Variants in NUP93 observed in about 807,000 individuals in gnomAD.
The protein encoded by NUP93 is nuclear pore complex protein Nup93.
Under a neutral mutation model 107.8 loss-of-function variants are expected in NUP93, and 55 were observed. That is an observed-to-expected ratio of 0.51 (90% CI 0.41 to 0.64). NUP93 has a LOEUF of 0.64. NUP93 is among the 30% of genes least tolerant of loss of function. NUP93 has a pLI of 0.00. For synonymous variants in NUP93, 390 were observed against 397.5 expected (o/e 0.98, Z 0.22); for missense variants, 937 against 1,044.7 (o/e 0.90, Z 1.42).
At chr16:56,837,824 C>T in intron 18 of NUP93, 98 bp downstream of exon 18, 1 of 811,686 alleles carries the variant, frequency 1.2e-6, no homozygotes. Flanking sequence ...TACTAGGTAA[C>T]AGCAGACAGC....
At chr16:56,754,634 G>A (rs1961984724) in intron 2 of NUP93, among the ~76,000 whole-genome samples, 1 of 152,238 alleles carries the variant, frequency 6.6e-6, no homozygotes, top group Non-Finnish European at 1.5e-5. Flanking sequence ...CTGCTTTCAT[G>A]GGCTAGTGTT....
rs2144657300 is a variant in NUP93 at position 56,844,966 on chromosome 16, T to C, written c.*357T>C. The stretch of plus-strand genomic sequence containing the variant: ...AGCCAGGAAACAAAGCCTTTGGGAG[T>C]TACTTTTATTTAGATATAATATTCC... On this transcript the variant is annotated 3_prime_UTR_variant, in exon 22 of 22. Coordinates refer to ENST00000308159, the MANE Select transcript of NUP93 (RefSeq NM_014669.5). 3.1e-6 allele frequency: 1 copy of C among 327,022 alleles called. No homozygotes were observed. The highest frequency in any genetic ancestry group is 1.5e-4 in the South Asian group (1 of 6,474). The allele number at this position is 327,022 out of a possible 1,614,324, so 20.3% of individuals were successfully genotyped here.
chr16:56,822,723 G>A (rs1963574221), intron 7 of NUP93, among the ~76,000 whole-genome samples: 1 of 151,796 alleles, frequency 6.6e-6, no homozygotes, highest in Non-Finnish European at 1.5e-5. Flanking sequence ...ACCATGCCTG[G>A]TTAATTTTTT....
At chr16:56,738,650 G>C (rs563323342) in intron 1 of NUP93, among the ~76,000 whole-genome samples, 1 of 152,120 alleles carries the variant, frequency 6.6e-6, no homozygotes, top group African/African-American at 2.4e-5. Context: ...AAACAATGAT[G>C]TCTGTCAAGA....
At chr16:56,762,588 AT>A (rs1246984651) in intron 3 of NUP93, among the ~76,000 whole-genome samples, 1 of 152,204 alleles carries the variant, frequency 6.6e-6, no homozygotes, top group African/African-American at 2.4e-5. Context: ...AATTAAAAAT[AT>A]TTTTAATGGC....
intron 2 of NUP93, among the ~76,000 whole-genome samples, chr16:56,752,012 A>C (rs931448896): frequency 6.6e-6 from 1 of 152,238 alleles, no homozygotes; most frequent in African/African-American, 2.4e-5. Flanking sequence ...TGCATAAGCC[A>C]CACACTGAAC....
At chr16:56,740,134 C>CCA (rs1382434914) in intron 1 of NUP93, among the ~76,000 whole-genome samples, 41 of 130,656 alleles carry the variant, frequency 3.1e-4, no homozygotes, top group African/African-American at 1.2e-3. Flanking sequence ...CTGACCCCCC[C>CCA]ACCTCCCTCC....
chr16:56,844,467 G>A (rs779819356), intron 21 of NUP93, 32 bp from the exon 22 acceptor site: 7 of 1,318,400 alleles, frequency 5.3e-6, no homozygotes, highest in African/African-American at 1.5e-5. Flanking sequence ...AAAGTTAACC[G>A]ATTTCCTTCC....
chr16:56,822,136 G>C (rs1963557710), intron 7 of NUP93, among the ~76,000 whole-genome samples: 1 of 150,004 alleles, frequency 6.7e-6, no homozygotes, highest in African/African-American at 2.5e-5. Context: ...ATGACTACTT[G>C]GTGGGTGGCT....
intron 5 of NUP93, among the ~76,000 whole-genome samples, chr16:56,812,568 C>T (rs1189402261): frequency 6.6e-6 from 1 of 152,098 alleles, no homozygotes; most frequent in Non-Finnish European, 1.5e-5. Context: ...TGGTCTGGAT[C>T]TCCTGACCTT....
At chr16:56,761,718 G>A (rs765975252) in intron 3 of NUP93, among the ~76,000 whole-genome samples, 1 of 152,062 alleles carries the variant, frequency 6.6e-6, no homozygotes, top group Admixed American at 6.6e-5. Context: ...ACTATCCATC[G>A]TTTGCATTAC....
Position 56,832,020 on chromosome 16 carries a change from T to G in NUP93, c.1251+13T>G. The G allele has an allele frequency of 6.2e-7, 1 of 1,613,876 alleles. No homozygotes were observed. Reference sequence around the variant, plus strand: ...CCTGTGGCTGAAGGTAGGCACTGTTTCCCCTGCCCACATAGGGCTTTACCC... The same window carrying G: ...CCTGTGGCTGAAGGTAGGCACTGTTGCCCCTGCCCACATAGGGCTTTACCC... On this transcript the variant is annotated intron_variant, in intron 11 of 21. Transcript: ENST00000308159.
At chr16:56,744,617 A>G (rs1961792475) in intron 1 of NUP93, among the ~76,000 whole-genome samples, 1 of 152,180 alleles carries the variant, frequency 6.6e-6, no homozygotes, top group South Asian at 2.1e-4. Flanking sequence ...ATGTGGAACA[A>G]GCTTATTTTC....
chr16:56,841,870 A>G lies in NUP93; in HGVS notation c.2349+37A>G, dbSNP rs1166219437. ...GCATTCGCGAGAAACATTGCTAAGCACCACCTTTCTGGTTTGGAATCCGTT... is the reference window on the plus strand; with the variant it reads ...GCATTCGCGAGAAACATTGCTAAGCGCCACCTTTCTGGTTTGGAATCCGTT... On this transcript the variant is annotated intron_variant, in intron 21 of 21. Transcript: ENST00000308159. The G allele has an allele frequency of 2.5e-6, 4 of 1,610,792 alleles. No individual in the cohort carries two copies. The African/African-American group carries it at 4.0e-5, about 16-fold the overall frequency.
intron 1 of NUP93, among the ~76,000 whole-genome samples, chr16:56,739,591 C>T: frequency 8.6e-6 from 1 of 116,812 alleles, no homozygotes; most frequent in Non-Finnish European, 1.8e-5. Flanking sequence ...CCCCCACCTC[C>T]CTCCCGGATG....
intron 8 of NUP93, among the ~76,000 whole-genome samples, chr16:56,827,982 T>C (rs1438752094): frequency 2.0e-5 from 3 of 152,012 alleles, no homozygotes; most frequent in Non-Finnish European, 2.9e-5. Context: ...TAGCTGGGCG[T>C]GGTGGCCCAC....
chr16:56,809,154 C>T (rs1315468913), intron 5 of NUP93, among the ~76,000 whole-genome samples: 11 of 152,208 alleles, frequency 7.2e-5, no homozygotes, highest in African/African-American at 2.2e-4. Context: ...AGATTGTCTC[C>T]CTTTATCTGT....
chr16:56,768,205 T>C (rs1467082583), intron 3 of NUP93, among the ~76,000 whole-genome samples: 7 of 152,336 alleles, frequency 4.6e-5, no homozygotes, highest in Admixed American at 4.6e-4. Context: ...TGTTTTTTTC[T>C]CCTTCCTTCT....
At chr16:56,805,810 T>G in intron 5 of NUP93, 178 bp downstream of exon 5, 1 of 630,784 alleles carries the variant, frequency 1.6e-6, no homozygotes, top group Non-Finnish European at 2.7e-6. Flanking sequence ...TCTGCCTGCT[T>G]CGTCTCAGTC....
Sources: gnomAD v4.1 joint callset for allele counts (sites outside exome capture counted in the v4.1 genomes callset) on GRCh38, gnomAD v4.1.1 for gene constraint, MANE v1.5 for transcripts, NCBI Gene and HGNC (gene_info 2026-07-23, HGNC 2026-07-21) for gene names.